The following CPQ variants were observed in gnomAD, a reference collection of about 807,000 sequenced individuals.
CPQ encodes the protein carboxypeptidase Q, also known as Ser-Met dipeptidase.
CPQ carries 37 observed loss-of-function variants against 45.7 expected under a neutral mutation model. The observed-to-expected ratio is 0.81, with a 90% confidence interval of 0.62 to 1.07. The LOEUF (loss-of-function observed/expected upper bound fraction) is 1.07, where lower values mean the gene tolerates loss of function less well. CPQ is among the 50% of genes least tolerant of loss of function. The pLI, the probability that CPQ is intolerant of heterozygous loss-of-function variation, is 0.00. For missense variants in CPQ, 537 were observed against 572.9 expected (o/e 0.94, Z 0.64); for synonymous variants, 186 against 205.8 (o/e 0.90, Z 0.82).
intron 2 of CPQ, among the ~76,000 whole-genome samples, chr8:96,806,166 A>G (rs2130825756): frequency 6.6e-6 from 1 of 152,282 alleles, no homozygotes; most frequent in South Asian, 2.1e-4. Context: ...GGTGGGCAAT[A>G]TAGGTTTGGC....
At chr8:97,062,629 A>T (rs570439991) in intron 6 of CPQ, among the ~76,000 whole-genome samples, 359 of 152,042 alleles carry the variant, frequency 2.4e-3, no homozygotes, top group African/African-American at 8.1e-3. Context: ...TCCTTCCACC[A>T]TCCACCCTCT....
chr8:97,024,818 G>A (rs552240374), intron 5 of CPQ, among the ~76,000 whole-genome samples: 1 of 152,280 alleles, frequency 6.6e-6, no homozygotes, highest in Non-Finnish European at 1.5e-5. Context: ...CTCTTTAAGT[G>A]TAGGCACTCT....
chr8:96,862,632 A>G lies in CPQ; in HGVS notation c.642-17166A>G, dbSNP rs1211857516. On this transcript the variant is annotated intron_variant, in intron 3 of 7. Transcript: ENST00000220763. Reference sequence around the variant, plus strand: ...TCTAGATATATTGTAGAGCTACGACATAAAGGATTAGACAATTAGATATGA... The same window carrying G: ...TCTAGATATATTGTAGAGCTACGACGTAAAGGATTAGACAATTAGATATGA... Among the ~76,000 whole-genome samples the G allele has an allele frequency of 2.0e-5, 3 of 152,198 alleles. No individual in the cohort carries two copies. The East Asian group carries it at 5.8e-4, about 30-fold the overall frequency.
rs1423178163 is a variant in CPQ, at chr8:97,128,675, ACT to A, written c.1256-14342_1256-14341del. ...ACTCCAGCCTGGGCAACAGAGCGAAACTCTGTCTCAAAAAAACAAACAAACAA... is the reference window on the plus strand; with the variant it reads ...ACTCCAGCCTGGGCAACAGAGCGAAACTGTCTCAAAAAAACAAACAAACAA... On this transcript the variant is annotated intron_variant, in intron 7 of 7. Transcript: ENST00000220763. Among the ~76,000 whole-genome samples, 3 of 152,176 alleles carry A rather than the reference ACT, an allele frequency of 2.0e-5. No homozygotes were observed. In the East Asian group the frequency reaches 5.8e-4, roughly 29 times the overall value.
chr8:96,805,605 T>C (rs1306837669), intron 2 of CPQ, among the ~76,000 whole-genome samples: 1 of 152,162 alleles, frequency 6.6e-6, no homozygotes, highest in Non-Finnish European at 1.5e-5. Context: ...ATGTATGTAA[T>C]GTTTGCTAAG....
chr8:96,850,873 G>C (rs1671457679), intron 3 of CPQ, among the ~76,000 whole-genome samples: 1 of 152,046 alleles, frequency 6.6e-6, no homozygotes, highest in Admixed American at 6.6e-5. Context: ...CAAAGTGCTG[G>C]GATTACAGGC....
At chr8:96,822,141 G>A (rs1013884370) in intron 2 of CPQ, among the ~76,000 whole-genome samples, 1 of 151,916 alleles carries the variant, frequency 6.6e-6, no homozygotes, top group Admixed American at 6.6e-5. Context: ...GTATAAGTAA[G>A]CTCAGATGGC....
intron 1 of CPQ, among the ~76,000 whole-genome samples, chr8:96,712,576 T>A (rs930114388): frequency 3.2e-4 from 49 of 152,348 alleles, no homozygotes; most frequent in African/African-American, 1.1e-3. Context: ...CACCAGGGCT[T>A]TGTGCTTGCA....
At chr8:96,903,567 A>G (rs951849264) in intron 4 of CPQ, among the ~76,000 whole-genome samples, 4 of 152,326 alleles carry the variant, frequency 2.6e-5, no homozygotes, top group Non-Finnish European at 5.9e-5. Context: ...AATAGCAAAA[A>G]TAGCCGCTAT....
At chr8:97,113,302 CAG>C (rs1157012845) in intron 7 of CPQ, among the ~76,000 whole-genome samples, 7 of 151,994 alleles carry the variant, frequency 4.6e-5, no homozygotes, top group South Asian at 4.2e-4. Context: ...AGGGAGGAGA[CAG>C]AGAGAGCAGC....
chr8:96,900,194 G>A (rs1812496987), intron 4 of CPQ, among the ~76,000 whole-genome samples: 1 of 152,132 alleles, frequency 6.6e-6, no homozygotes, highest in Non-Finnish European at 1.5e-5. Flanking sequence ...AGTATGTCTG[G>A]CTCTAAAGCT....
intron 3 of CPQ, among the ~76,000 whole-genome samples, chr8:96,840,293 G>A (rs1484771240): frequency 6.6e-6 from 1 of 152,178 alleles, no homozygotes; most frequent in South Asian, 2.1e-4. Flanking sequence ...CAATTCTGGG[G>A]TGAGAGGAAG....
chr8:97,013,702 T>C (rs1472375921), intron 5 of CPQ, among the ~76,000 whole-genome samples: 2 of 152,080 alleles, frequency 1.3e-5, no homozygotes, highest in African/African-American at 4.8e-5. Context: ...TACATGGAAA[T>C]GAGGCTTTTG....
chr8:97,078,806 T>TCTCC (rs1810897785), intron 7 of CPQ, among the ~76,000 whole-genome samples: 2 of 138,386 alleles, frequency 1.4e-5, no homozygotes, highest in Non-Finnish European at 3.1e-5. Flanking sequence ...TCTCTCTCTC[T>TCTCC]CCCTCTCTCC....
At chr8:97,064,636 C>T (rs144477634) in intron 6 of CPQ, among the ~76,000 whole-genome samples, 2,547 of 152,182 alleles carry the variant, frequency 0.017, 28 homozygotes, top group Non-Finnish European at 0.026. Context: ...CAGTAAATGC[C>T]GGCAACATCT....
intron 1 of CPQ, among the ~76,000 whole-genome samples, chr8:96,768,716 A>C (rs1029883028): frequency 2.0e-5 from 3 of 152,220 alleles, no homozygotes; most frequent in African/African-American, 4.8e-5. Flanking sequence ...CAAATTTTGC[A>C]GTAAGTGACT....
intron 4 of CPQ, among the ~76,000 whole-genome samples, chr8:96,960,012 T>C (rs1248553177): frequency 6.6e-6 from 1 of 151,960 alleles, no homozygotes; most frequent in Non-Finnish European, 1.5e-5. Flanking sequence ...TTACTGACAA[T>C]TGACCAACAT....
chr8:96,731,600 A>C (rs1385172468), intron 1 of CPQ, among the ~76,000 whole-genome samples: 1 of 152,110 alleles, frequency 6.6e-6, no homozygotes, highest in Non-Finnish European at 1.5e-5. Context: ...CCATGAAATG[A>C]CTCAGGAAAT....
At chr8:97,115,148 T>C (rs978424628) in intron 7 of CPQ, among the ~76,000 whole-genome samples, 1 of 152,222 alleles carries the variant, frequency 6.6e-6, no homozygotes, top group African/African-American at 2.4e-5. Context: ...CTTATTAGCA[T>C]CCTGCTCCCT....
Sources: allele counts gnomAD v4.1 joint callset (sites outside exome capture counted in the v4.1 genomes callset), GRCh38; gene constraint gnomAD v4.1.1; transcripts MANE v1.5; gene names NCBI Gene and HGNC (gene_info 2026-07-23, HGNC 2026-07-21).